MTPAP: variants seen among roughly 807,000 people sequenced by gnomAD.
MTPAP encodes the protein poly(A) RNA polymerase, mitochondrial.
Under a neutral mutation model 48.7 loss-of-function variants are expected in MTPAP, and 23 were observed. That is an observed-to-expected ratio of 0.47 (90% confidence interval 0.34 to 0.67). The LOEUF is 0.67. Among genes scored for constraint, MTPAP ranks in the 30% least tolerant of loss-of-function variants. MTPAP has a pLI of 0.01. For synonymous variants in MTPAP, 257 were observed against 254.1 expected (o/e 1.01, Z -0.11); for missense variants, 614 against 694.3 (o/e 0.88, Z 1.30).
intron 5 of MTPAP, among the ~76,000 whole-genome samples, chr10:30,325,867 G>C (rs1173948553): frequency 2.2e-5 from 3 of 133,668 alleles, no homozygotes; most frequent in Non-Finnish European, 4.6e-5. Flanking sequence ...CAAATCACTA[G>C]GATAATACAA....
chr10:30,318,814 C>T (rs1402977900), intron 6 of MTPAP, among the ~76,000 whole-genome samples: 3 of 152,062 alleles, frequency 2.0e-5, no homozygotes, highest in South Asian at 2.1e-4. Flanking sequence ...GAACAGAAGA[C>T]GCAGAGGTGA....
At position 30,324,538 on chromosome 10, in the gene MTPAP, A is replaced by C. The variant is rs142410346; in HGVS notation, c.992+1886T>G. On this transcript the variant is annotated intron_variant, in intron 5 of 8. Transcript: ENST00000263063. ...TACTGCACTTCAGCCTGGGCAACAG[A>C]GAGAGACACTGTCTCTAAAAAAGTA... 1.9e-3 allele frequency among the ~76,000 whole-genome samples: 293 copies of C among 152,192 alleles called. 1 individual carries two copies. The highest frequency in any genetic ancestry group is 6.6e-3 in the African/African-American group (273 of 41,518).
In MTPAP at chr10:30,332,461, T is replaced by G. The variant is rs1441207936; in HGVS notation, c.780+4342A>C. On this transcript the variant is annotated intron_variant, in intron 4 of 8. Transcript: ENST00000263063. ...GGCTCCCACCACCACGCCCAGCTAA[T>G]TTTTGTATTTTTAGTAGAGACGGGG... Among the ~76,000 whole-genome samples, 32 of 152,054 alleles carry G rather than the reference T, an allele frequency of 2.1e-4. 1 individual carries two copies. The highest frequency in any genetic ancestry group is 2.1e-3 in the Admixed American group (32 of 15,254).
At chr10:30,331,434 A>G (rs1310884795) in intron 4 of MTPAP, among the ~76,000 whole-genome samples, 1 of 152,264 alleles carries the variant, frequency 6.6e-6, no homozygotes, top group Non-Finnish European at 1.5e-5. Flanking sequence ...ACTGAAGGAA[A>G]GACCAAAGGC....
intron 1 of MTPAP, among the ~76,000 whole-genome samples, chr10:30,342,284 T>C (rs765330922): frequency 3.3e-4 from 50 of 151,896 alleles, no homozygotes; most frequent in Non-Finnish European, 5.8e-4. Context: ...AATAGAACAA[T>C]TCTAATATAC....
In MTPAP at chr10:30,311,531, A is replaced by C. The variant is rs1452778553; in HGVS notation, c.*2078T>G. 1.3e-5 allele frequency: 2 copies of C among 152,284 alleles called. No homozygotes were observed. Among genetic ancestry groups the C allele is most frequent in the East Asian group, 1.9e-4 (1 of 5,186 alleles). The allele number at this position is 152,284 out of a possible 1,614,324, so 9.4% of individuals were successfully genotyped here. On this transcript the variant is annotated 3_prime_UTR_variant, in exon 9 of 9. Transcript: ENST00000263063. ...CGCCAGGAAAATGCACTGACCTAGC[A>C]TTTTCCTACATCCCTCGCTTAATCC...
chr10:30,344,915 G>A (rs1016265373), intron 1 of MTPAP, among the ~76,000 whole-genome samples: 1 of 152,112 alleles, frequency 6.6e-6, no homozygotes, highest in African/African-American at 2.4e-5. Context: ...TGTTGGTCCG[G>A]CTGCTCTTGA....
At chr10:30,339,185 A>G (rs1015667840) in intron 3 of MTPAP, among the ~76,000 whole-genome samples, 40 of 152,016 alleles carry the variant, frequency 2.6e-4, no homozygotes, top group African/African-American at 9.4e-4. Context: ...ATATTTGAAC[A>G]CAGAAGAGAC....
intron 5 of MTPAP, among the ~76,000 whole-genome samples, chr10:30,325,764 T>C (rs982151977): frequency 1.3e-5 from 2 of 149,892 alleles, no homozygotes; most frequent in African/African-American, 5.0e-5. Context: ...GTAATAATGA[T>C]AAAAAAATGA....
intron 8 of MTPAP, among the ~76,000 whole-genome samples, 183 bp from the exon 9 acceptor site, chr10:30,314,154 GT>G (rs906987231): frequency 1.5e-4 from 22 of 148,094 alleles, no homozygotes; most frequent in Admixed American, 2.0e-4. Context: ...CTCATTTTTT[GT>G]TTTTTTTTTC....
chr10:30,317,632 T>C (rs1840677227), intron 6 of MTPAP, among the ~76,000 whole-genome samples: 1 of 152,210 alleles, frequency 6.6e-6, no homozygotes, highest in Admixed American at 6.5e-5. Context: ...TCTGAAAGCA[T>C]TTCATAATTC....
In MTPAP at chr10:30,349,138, A is replaced by G. The variant is rs147352132; in HGVS notation, c.138T>C (p.Pro46=). ...CATCACCTGTCTCCACGCTCCCTGA[A>G]GGCTGCTCGTCTCTCCTAAGGTCTT... is the stretch of plus-strand genomic sequence containing the variant. ...VAKDLRRDEQ[P]SGSVETGFED... is the part of the protein sequence containing the mutation. The change falls in exon 1 of 9, where the codon CCT becomes CCC. Residue 46 remains proline (P), a synonymous_variant. Transcript: ENST00000263063. 4.3e-4 allele frequency: 697 copies of G among 1,613,838 alleles called. 4 individuals carry two copies. The highest frequency in any genetic ancestry group is 1.9e-3 in the South Asian group (175 of 91,062).
chr10:30,342,558 AAAC>A lies in MTPAP; in HGVS notation c.158-921_158-919del, dbSNP rs1405758892. 5.1e-3 allele frequency among the ~76,000 whole-genome samples: 751 copies of A among 146,708 alleles called. 6 individuals carry two copies. The highest frequency in any genetic ancestry group is 0.013 in the African/African-American group (504 of 40,098). On this transcript the variant is annotated intron_variant, in intron 1 of 8. Coordinates refer to ENST00000263063, the MANE Select transcript of MTPAP (RefSeq NM_018109.4). Reference sequence around the variant, plus strand: ...CGGAGTTCCACAAAAAAAAAAAAAAAAACCAGGAAACTAAAATCACTTATTTAA... The same window carrying A: ...CGGAGTTCCACAAAAAAAAAAAAAAACAGGAAACTAAAATCACTTATTTAA...
intron 1 of MTPAP, among the ~76,000 whole-genome samples, chr10:30,345,997 C>T (rs1479459620): frequency 3.3e-5 from 5 of 149,374 alleles, no homozygotes; most frequent in South Asian, 2.1e-4. Flanking sequence ...GCCGAGATAG[C>T]GCCACTGAAC....
chr10:30,333,909 T>C lies in MTPAP; in HGVS notation c.780+2894A>G, dbSNP rs563737245. On this transcript the variant is annotated intron_variant, in intron 4 of 8. Coordinates refer to ENST00000263063, the MANE Select transcript of MTPAP (RefSeq NM_018109.4). ...AGAGTGAGACCTCATCTCAAAATAG[T>C]AATAATAATAATTATTATTATAATA... 9.0e-4 allele frequency among the ~76,000 whole-genome samples: 137 copies of C among 152,122 alleles called. 1 individual carries two copies. The highest frequency in any genetic ancestry group is 1.4e-3 in the Non-Finnish European group (97 of 68,012).
At position 30,326,517 on chromosome 10, in the gene MTPAP, A is replaced by G. The variant is rs748111275; in HGVS notation, c.899T>C (p.Val300Ala). 8.7e-5 allele frequency: 141 copies of G among 1,614,060 alleles called. No homozygotes were observed. The highest frequency in any genetic ancestry group is 1.2e-4 in the Non-Finnish European group (138 of 1,180,042). ...GGCATTTAATATTTTTTGCACACCC[A>G]CACAGCCAGGGCCAAAGTGGTCAAG... is the stretch of plus-strand genomic sequence containing the variant. ...ECLDHFGPGC[V>A]GVQKILNARC... Residue 300 changes from valine to alanine, a missense_variant, in exon 5 of 9, where the codon GTG becomes GCG. Around this residue, in one of 5 missense-constraint regions of MTPAP, gnomAD observed 261 missense variants for 355.4 expected, o/e 0.73. Transcript: ENST00000263063.
rs896584936 is a variant in MTPAP, at chr10:30,310,005, T to C, written c.*3604A>G. 2 of 152,180 alleles carry C rather than the reference T, an allele frequency of 1.3e-5. No homozygotes were observed. The highest frequency in any genetic ancestry group is 3.9e-4 in the East Asian group (2 of 5,192). 9.4% of individuals were successfully genotyped at this position (152,180 alleles called of 1,614,324 possible). Reference sequence around the variant, plus strand: ...ATAGCTGAAATCGTTTTGATCTGGGTAGTCTCCTATCAAAATTACTTTCAC... The same window carrying C: ...ATAGCTGAAATCGTTTTGATCTGGGCAGTCTCCTATCAAAATTACTTTCAC... On this transcript the variant is annotated 3_prime_UTR_variant, in exon 9 of 9. Coordinates refer to ENST00000263063, the MANE Select transcript of MTPAP (RefSeq NM_018109.4).
At chr10:30,316,267 G>C in intron 6 of MTPAP, 57 bp from the exon 7 acceptor site, 2 of 1,285,718 alleles carry the variant, frequency 1.6e-6, no homozygotes, top group African/African-American at 2.9e-5. Context: ...GCCTGAGATG[G>C]AGTCTCACTC....
intron 5 of MTPAP, among the ~76,000 whole-genome samples, chr10:30,326,084 T>C (rs1218868655): frequency 6.6e-6 from 1 of 152,144 alleles, no homozygotes; most frequent in Non-Finnish European, 1.5e-5. Context: ...ATTTTACTTT[T>C]TTCTTTTTTT....
Sources: allele counts gnomAD v4.1 joint callset (sites outside exome capture counted in the v4.1 genomes callset), GRCh38; gene constraint gnomAD v4.1.1; regional missense constraint gnomAD v4.1.1; transcripts MANE v1.5; gene names NCBI Gene and HGNC (gene_info 2026-07-23, HGNC 2026-07-21).